OTUD7A: variants seen among roughly 807,000 people sequenced by gnomAD.
OTUD7A encodes the protein OTU domain-containing protein 7A.
In OTUD7A, 12 loss-of-function variants were observed where a neutral mutation model predicts 65.7. The ratio of observed to expected loss-of-function variants is 0.18; its 90% confidence interval spans 0.12 to 0.30. The LOEUF (loss-of-function observed/expected upper bound fraction) is 0.30. OTUD7A is among the 10% of genes least tolerant of loss of function. The probability of loss-of-function intolerance (pLI) is 1.00; values close to 1 mark genes in which losing one functional copy is unlikely to be tolerated. For missense variants in OTUD7A, 1,148 were observed against 1,304.8 expected (o/e 0.88, Z 1.85); for synonymous variants, 641 against 586.3 (o/e 1.09, Z -1.35).
At chr15:31,824,058 A>C (rs939359130) in intron 1 of OTUD7A, among the ~76,000 whole-genome samples, 2 of 152,232 alleles carry the variant, frequency 1.3e-5, no homozygotes, top group African/African-American at 4.8e-5. Context: ...GACACAGTCC[A>C]AGGCATGAAG....
intron 3 of OTUD7A, among the ~76,000 whole-genome samples, chr15:31,635,346 A>G (rs1891307224): frequency 1.3e-5 from 2 of 152,192 alleles, no homozygotes; most frequent in South Asian, 2.1e-4. Flanking sequence ...ATGAGAAAAC[A>G]GAGCAAGAAG....
chr15:31,533,186 A>C (rs1261529515), intron 5 of OTUD7A, among the ~76,000 whole-genome samples: 1 of 151,928 alleles, frequency 6.6e-6, no homozygotes, highest in Non-Finnish European at 1.5e-5. Flanking sequence ...TTCTAAAGAC[A>C]GTGCATTTCT....
At chr15:31,493,173 C>T (rs1053294512) in intron 10 of OTUD7A, among the ~76,000 whole-genome samples, 1 of 151,438 alleles carries the variant, frequency 6.6e-6, no homozygotes, top group Non-Finnish European at 1.5e-5. Flanking sequence ...AAAAAGAATC[C>T]CATTTTAAAT....
intron 1 of OTUD7A, among the ~76,000 whole-genome samples, chr15:31,860,227 A>G (rs1212211293): frequency 6.6e-6 from 1 of 152,182 alleles, no homozygotes; most frequent in African/African-American, 2.4e-5. Flanking sequence ...TCCCATTACA[A>G]CTAATCAGTA....
chr15:31,612,641 T>A (rs548344474), intron 3 of OTUD7A, among the ~76,000 whole-genome samples: 61 of 152,180 alleles, frequency 4.0e-4, no homozygotes, highest in African/African-American at 1.3e-3. Flanking sequence ...AAATAAATCA[T>A]AGATGACACA....
chr15:31,484,095 G>T lies in OTUD7A; in HGVS notation c.2001C>A (p.Ser667Arg), dbSNP rs367601135. ...HEEMIGYYLTSAQERFSAEQE... is the reference protein window; with the variant it reads ...HEEMIGYYLTRAQERFSAEQE... Reference sequence around the variant, plus strand: ...GCTCGGCGCTGAAGCGCTCCTGCGCGCTCGTCAGGTAGTAGCCGATCATCT... The same window carrying T: ...GCTCGGCGCTGAAGCGCTCCTGCGCTCTCGTCAGGTAGTAGCCGATCATCT... The change falls in exon 13 of 13, where the codon AGC becomes AGA. Residue 667 changes from serine to arginine, a missense_variant. Physicochemically the swap from Ser to Arg is moderately radical, Grantham distance 110. Coordinates refer to ENST00000307050, the MANE Select transcript of OTUD7A (RefSeq NM_001382637.1). The surrounding 1 kb of genome is among the most constrained non-coding windows in gnomAD (Gnocchi z 4.5). 1 of 1,601,704 alleles carries T rather than the reference G, an allele frequency of 6.2e-7. No individual in the cohort carries two copies. Among genetic ancestry groups the T allele is most frequent in the South Asian group, 1.1e-5 (1 of 90,740 alleles).
intron 5 of OTUD7A, among the ~76,000 whole-genome samples, chr15:31,545,675 T>C (rs1888109125): frequency 6.6e-6 from 1 of 151,756 alleles, no homozygotes; most frequent in Non-Finnish European, 1.5e-5. Context: ...CATCAGAAAA[T>C]AAAAATTAAA....
At chr15:31,765,576 G>A (rs2140907971) in intron 1 of OTUD7A, among the ~76,000 whole-genome samples, 1 of 152,318 alleles carries the variant, frequency 6.6e-6, no homozygotes, top group Admixed American at 6.5e-5. Context: ...GATCTAGTTA[G>A]TTTCCTAGGA....
rs2041248158 is a variant in OTUD7A, at chr15:31,487,100, T to C, written c.1371+94A>G. 8.0e-7 allele frequency: 1 copy of C among 1,248,010 alleles called. No homozygotes were observed. The highest frequency in any genetic ancestry group is 1.1e-6 in the Non-Finnish European group (1 of 881,280). 77.3% of individuals were successfully genotyped at this position (1,248,010 alleles called of 1,614,324 possible). The stretch of plus-strand genomic sequence containing the variant: ...GCGGCCGGGCAGGGGCAGGCAAGAG[T>C]GTGGGAGCATTTGGGAGGATGCACC... On this transcript the variant is annotated intron_variant, in intron 12 of 12. Transcript: ENST00000307050. This position sits in a 1 kb window ranked among gnomAD's most constrained non-coding sequence, Gnocchi z 6.0.
intron 1 of OTUD7A, among the ~76,000 whole-genome samples, chr15:31,679,751 G>A (rs548734005): frequency 6.6e-6 from 1 of 152,106 alleles, no homozygotes; most frequent in South Asian, 2.1e-4. Flanking sequence ...ACCCAATCTT[G>A]GGCAGCTCTT....
chr15:31,790,813 G>C (rs994350733), intron 1 of OTUD7A, among the ~76,000 whole-genome samples: 2 of 152,192 alleles, frequency 1.3e-5, no homozygotes, highest in African/African-American at 4.8e-5. Context: ...ATGGGCCCCA[G>C]AGCATGCAGG....
intron 1 of OTUD7A, among the ~76,000 whole-genome samples, chr15:31,821,434 G>A (rs142539680): frequency 0.02 from 3,007 of 151,262 alleles, 51 homozygotes; most frequent in Non-Finnish European, 0.026. Flanking sequence ...GTGAGCCACT[G>A]AGCCCAGCCC....
intron 1 of OTUD7A, among the ~76,000 whole-genome samples, chr15:31,828,910 GTCCCTTCT>G (rs1375411939): frequency 6.6e-6 from 1 of 152,126 alleles, no homozygotes; most frequent in Non-Finnish European, 1.5e-5. Context: ...GGAGGGCATG[GTCCCTTCT>G]TCATTGCTGT....
chr15:31,624,906 T>G (rs1481477361), intron 3 of OTUD7A, among the ~76,000 whole-genome samples: 2 of 152,152 alleles, frequency 1.3e-5, no homozygotes, highest in African/African-American at 4.8e-5. Flanking sequence ...CCCTCCAAGA[T>G]AGCCCCCAAG....
chr15:31,861,462 T>C (rs960054284), intron 1 of OTUD7A, among the ~76,000 whole-genome samples: 1 of 152,194 alleles, frequency 6.6e-6, no homozygotes, highest in African/African-American at 2.4e-5. Context: ...TTTCTGAACA[T>C]ACTGCTTGCC....
intron 10 of OTUD7A, among the ~76,000 whole-genome samples, chr15:31,494,202 T>C (rs1229592873): frequency 6.6e-6 from 1 of 152,242 alleles, no homozygotes; most frequent in Non-Finnish European, 1.5e-5. Flanking sequence ...TAAAGCTTAG[T>C]CTCCATGTAA....
At chr15:31,556,666 T>G (rs1329229102) in intron 5 of OTUD7A, 1 of 152,230 alleles carries the variant, frequency 6.6e-6, no homozygotes, top group Admixed American at 6.5e-5. Context: ...AGACTGTGCT[T>G]CACACGAAAC....
chr15:31,858,927 C>A (rs567048657), intron 1 of OTUD7A, among the ~76,000 whole-genome samples: 2 of 152,344 alleles, frequency 1.3e-5, no homozygotes, highest in East Asian at 3.9e-4. Flanking sequence ...GTCACTCTCA[C>A]CACCGTGGAA....
At chr15:31,574,003 A>G (rs879942058) in intron 3 of OTUD7A, among the ~76,000 whole-genome samples, 10 of 152,206 alleles carry the variant, frequency 6.6e-5, no homozygotes, top group Non-Finnish European at 1.3e-4. Flanking sequence ...AACAGACAAA[A>G]GATATACTAT....
Sources: allele counts gnomAD v4.1 joint callset (sites outside exome capture counted in the v4.1 genomes callset), GRCh38; gene constraint gnomAD v4.1.1; non-coding constraint Gnocchi (gnomAD v3.1); transcripts MANE v1.5; gene names NCBI Gene and HGNC (gene_info 2026-07-23, HGNC 2026-07-21).